The following LRRC72 variants were observed in gnomAD, a reference collection of about 807,000 sequenced individuals.
LRRC72 encodes the protein leucine-rich repeat-containing protein 72.
LRRC72 carries 41 observed loss-of-function variants against 35.8 expected under a neutral mutation model. The observed-to-expected ratio is 1.15, with a 90% confidence interval of 0.89 to 1.49. The LOEUF is 1.49. Ranked by LOEUF, LRRC72 falls within the 40% of genes most tolerant of loss-of-function variation. LRRC72 has a pLI of 0.00. For missense variants in LRRC72, 389 were observed against 330.7 expected (o/e 1.18, Z -1.37); for synonymous variants, 118 against 119.2 (o/e 0.99, Z 0.07).
At chr7:16,557,022 G>C (rs1480278685) in intron 3 of LRRC72, among the ~76,000 whole-genome samples, 1 of 152,216 alleles carries the variant, frequency 6.6e-6, no homozygotes, top group African/African-American at 2.4e-5. Context: ...TGGATCTAGT[G>C]AGAGTGTATG....
chr7:16,566,255 T>A, intron 5 of LRRC72, 58 bp from the exon 6 acceptor site: 1 of 1,102,078 alleles, frequency 9.1e-7, no homozygotes, highest in South Asian at 1.7e-5. Flanking sequence ...ATTTTATAAG[T>A]GATAAGTGAA....
chr7:16,558,908 A>T lies in LRRC72; in HGVS notation c.336A>T (p.Ser112=), dbSNP rs1222201416. Residue 112 remains serine, a synonymous_variant, in exon 5 of 9, where the codon TCA becomes TCT. Coordinates refer to ENST00000401542, the MANE Select transcript of LRRC72 (RefSeq NM_001195280.2). ...FEIEGLHYLP[S]LHILLLHHNE... ...TTTTAGGTCTGCATTATTTGCCTTC[A>T]TTGCATATACTCCTGCTACACCACA... 3 of 1,485,678 alleles carry T rather than the reference A, an allele frequency of 2.0e-6. No homozygotes were observed. The highest frequency in any genetic ancestry group is 4.3e-5 in the Admixed American group (2 of 46,730). 92.0% of individuals were successfully genotyped at this position (1,485,678 alleles called of 1,614,324 possible).
intron 3 of LRRC72, among the ~76,000 whole-genome samples, chr7:16,546,907 G>C (rs931011154): frequency 6.6e-6 from 1 of 152,164 alleles, no homozygotes; most frequent in Admixed American, 6.5e-5. Context: ...ACTGATGGTG[G>C]TGGCAGACCG....
chr7:16,581,309 G>T lies in LRRC72; in HGVS notation c.699-15G>T. 7.0e-7 allele frequency: 1 copy of T among 1,419,256 alleles called. No individual in the cohort carries two copies. 87.9% of individuals were successfully genotyped at this position (1,419,256 alleles called of 1,614,324 possible). ...TGATTGCTTTTTTTCTGACATAATT[G>T]CTTTTTTTTTGCAGAACTGTGCTTG... On this transcript the variant is annotated splice_polypyrimidine_tract_variant and intron_variant, in intron 8 of 8. Coordinates refer to ENST00000401542, the MANE Select transcript of LRRC72 (RefSeq NM_001195280.2).
intron 3 of LRRC72, among the ~76,000 whole-genome samples, chr7:16,546,967 A>G (rs896402477): frequency 6.6e-6 from 1 of 152,174 alleles, no homozygotes; most frequent in Admixed American, 6.5e-5. Flanking sequence ...AGGTATGGAC[A>G]GTGGCAGCAG....
In LRRC72 at chr7:16,572,701, G is replaced by C. The variant is rs188281130; in HGVS notation, c.670+5158G>C. On this transcript the variant is annotated intron_variant, in intron 7 of 8. Coordinates refer to ENST00000401542, the MANE Select transcript of LRRC72 (RefSeq NM_001195280.2). Reference sequence around the variant, plus strand: ...ACAGACCCACAGCCAATATCATACTGAATGGGCAAAAACTGGAAGCATTCC... The same window carrying C: ...ACAGACCCACAGCCAATATCATACTCAATGGGCAAAAACTGGAAGCATTCC... Among the ~76,000 whole-genome samples the C allele has an allele frequency of 3.2e-4, 48 of 152,274 alleles. No individual in the cohort carries two copies. The East Asian group carries it at 9.3e-3, about 29-fold the overall frequency.
At chr7:16,546,363 C>T (rs1583640442) in intron 3 of LRRC72, among the ~76,000 whole-genome samples, 1 of 152,192 alleles carries the variant, frequency 6.6e-6, no homozygotes, top group South Asian at 2.1e-4. Flanking sequence ...GTGGTAGAGT[C>T]TGTCCTGTGT....
chr7:16,575,918 A>G (rs1278076802), intron 7 of LRRC72, among the ~76,000 whole-genome samples: 1 of 152,180 alleles, frequency 6.6e-6, no homozygotes, highest in Admixed American at 6.5e-5. Flanking sequence ...AGGGATCTAC[A>G]TTTCTTTTGT....
intron 3 of LRRC72, among the ~76,000 whole-genome samples, chr7:16,550,981 TG>T (rs1782538146): frequency 1.3e-5 from 2 of 152,368 alleles, no homozygotes; most frequent in Middle Eastern, 3.4e-3. Context: ...TGTTAGGAAC[TG>T]AATTGTGTCT....
chr7:16,559,109 T>C, intron 5 of LRRC72, 110 bp downstream of exon 5: 1 of 638,900 alleles, frequency 1.6e-6, no homozygotes, highest in Non-Finnish European at 2.6e-6. Context: ...ATTAAGATAT[T>C]TAGGCTGGGC....
chr7:16,536,167 C>G (rs367583473), intron 2 of LRRC72, among the ~76,000 whole-genome samples: 5 of 151,882 alleles, frequency 3.3e-5, no homozygotes, highest in African/African-American at 9.7e-5. Flanking sequence ...GCCACCATGC[C>G]CAGCCCAAAA....
In LRRC72 at chr7:16,566,371, C is replaced by A. The variant is rs1014667128; in HGVS notation, c.486C>A (p.His162Gln). The A allele has an allele frequency of 2.6e-6, 4 of 1,547,074 alleles. No homozygotes were observed. Among genetic ancestry groups the A allele is most frequent in the Admixed American group, 2.0e-5 (1 of 50,486 alleles). ...YNLYRLYIIY[H>Q]LPGVELLDRN... ...TGTATCGTTTATATATCATCTACCA[C>A]CTTCCAGGAGTGGAGCTGCTTGACC... Residue 162 changes from histidine to glutamine, a missense_variant, in exon 6 of 9, where the codon CAC becomes CAA. Coordinates refer to ENST00000401542, the MANE Select transcript of LRRC72 (RefSeq NM_001195280.2).
intron 2 of LRRC72, among the ~76,000 whole-genome samples, chr7:16,534,863 G>A (rs1782226423): frequency 1.3e-5 from 2 of 152,214 alleles, no homozygotes; most frequent in African/African-American, 2.4e-5. Flanking sequence ...TATACAGTGA[G>A]AGAGGAGAAT....
intron 3 of LRRC72, among the ~76,000 whole-genome samples, chr7:16,538,857 G>A (rs1782308476): frequency 1.3e-5 from 2 of 152,110 alleles, no homozygotes; most frequent in South Asian, 4.1e-4. Context: ...TTCACCTTCT[G>A]TCATGACTGT....
chr7:16,570,605 G>A (rs1484510782), intron 7 of LRRC72, among the ~76,000 whole-genome samples: 1 of 152,022 alleles, frequency 6.6e-6, no homozygotes, highest in East Asian at 1.9e-4. Context: ...GATCACCTGA[G>A]GTCAGGAGTT....
intron 7 of LRRC72, among the ~76,000 whole-genome samples, chr7:16,570,430 T>A (rs574666159): frequency 6.5e-4 from 99 of 152,358 alleles, no homozygotes; most frequent in Non-Finnish European, 1.3e-3. Context: ...CACTTTTAAA[T>A]AATTTAGACT....
At chr7:16,556,055 T>C (rs772868559) in intron 3 of LRRC72, among the ~76,000 whole-genome samples, 14 of 146,634 alleles carry the variant, frequency 9.5e-5, no homozygotes, top group Non-Finnish European at 1.8e-4. Flanking sequence ...TTGATGGATG[T>C]TATAGAGTCA....
chr7:16,532,436 G>T, intron 1 of LRRC72, 59 bp from the exon 2 acceptor site: 1 of 1,228,532 alleles, frequency 8.1e-7, no homozygotes, highest in Non-Finnish European at 1.2e-6. Flanking sequence ...CTGACTGCAA[G>T]TGCCTCAGCA....
chr7:16,572,633 G>C (rs1036490037), intron 7 of LRRC72, among the ~76,000 whole-genome samples: 2 of 152,064 alleles, frequency 1.3e-5, no homozygotes, highest in Non-Finnish European at 2.9e-5. Context: ...CAATAAACTA[G>C]GTATTGAAGG....
Sources: gnomAD v4.1 joint callset for allele counts (sites outside exome capture counted in the v4.1 genomes callset) on GRCh38, gnomAD v4.1.1 for gene constraint, MANE v1.5 for transcripts, NCBI Gene and HGNC (gene_info 2026-07-23, HGNC 2026-07-21) for gene names.